ZNF407: variants seen among roughly 807,000 people sequenced by gnomAD.
ZNF407 encodes zinc finger protein 407.
A neutral mutation model predicts 131.2 loss-of-function variants in ZNF407; 17 were observed. The observed-to-expected ratio is 0.13, with a 90% CI of 0.09 to 0.19. The LOEUF is 0.19. Among genes scored for constraint, ZNF407 ranks in the 10% least tolerant of loss-of-function variants. The pLI is 1.00. For synonymous variants in ZNF407, 1,156 were observed against 1,062.0 expected, an observed-to-expected ratio of 1.09 and a Z score of -1.72; for missense variants, 2,681 against 2,830.6, an observed-to-expected ratio of 0.95 and a Z score of 1.20.
intron 4 of ZNF407, among the ~76,000 whole-genome samples, chr18:74,834,599 T>C (rs1173203706): frequency 1.3e-5 from 2 of 152,196 alleles, no homozygotes; most frequent in African/African-American, 2.4e-5. Flanking sequence ...TGATTCATAT[T>C]TCCATAGAAC....
At chr18:74,674,269 C>T (rs940267330) in intron 3 of ZNF407, among the ~76,000 whole-genome samples, 3 of 152,156 alleles carry the variant, frequency 2.0e-5, no homozygotes, top group African/African-American at 7.2e-5. Context: ...GCTGTGGTGG[C>T]TCGTGAGAAC....
chr18:74,800,882 A>G (rs1970008311), intron 4 of ZNF407, among the ~76,000 whole-genome samples: 1 of 152,054 alleles, frequency 6.6e-6, no homozygotes, highest in Non-Finnish European at 1.5e-5. Flanking sequence ...TTGTCAGGTT[A>G]TTGTTTCAGG....
chr18:74,714,501 T>G (rs1010819036), intron 3 of ZNF407, among the ~76,000 whole-genome samples: 4 of 152,236 alleles, frequency 2.6e-5, no homozygotes, highest in Non-Finnish European at 4.4e-5. Context: ...TATAATTTAT[T>G]TTTCCTTTTT....
At chr18:74,606,749 A>G (rs1170385437) in intron 1 of ZNF407, among the ~76,000 whole-genome samples, 1 of 152,246 alleles carries the variant, frequency 6.6e-6, no homozygotes, top group African/African-American at 2.4e-5. Context: ...ATAGAATTAA[A>G]TAGGAGAAAT....
intron 8 of ZNF407, among the ~76,000 whole-genome samples, chr18:74,923,607 T>C (rs558497640): frequency 6.6e-6 from 1 of 152,208 alleles, no homozygotes; most frequent in Non-Finnish European, 1.5e-5. Flanking sequence ...AAGAGGAGTA[T>C]GTTAAAGTTT....
intron 4 of ZNF407, among the ~76,000 whole-genome samples, chr18:74,821,637 A>G (rs1461284985): frequency 3.9e-5 from 6 of 152,148 alleles, no homozygotes; most frequent in Non-Finnish European, 8.8e-5. Context: ...TCCATGGTGT[A>G]TATGTGCCAC....
rs1354724894 is a variant in ZNF407 at position 74,862,748 on chromosome 18, C to T, written c.4878-14449C>T. Among the ~76,000 whole-genome samples, 4 of 152,112 alleles carry T rather than the reference C, an allele frequency of 2.6e-5. No homozygotes were observed. The South Asian group carries it at 6.2e-4, about 24-fold the overall frequency. On this transcript the variant is annotated intron_variant, in intron 4 of 8. Transcript: ENST00000299687. ...TAATTCTGAAGTTTTTCTTCTTCAG[C>T]TTTGCTTCCCTTTTTGCCAACTCTT...
intron 3 of ZNF407, among the ~76,000 whole-genome samples, chr18:74,693,607 T>G (rs1967281525): frequency 6.6e-6 from 1 of 152,208 alleles, no homozygotes; most frequent in African/African-American, 2.4e-5. Flanking sequence ...AGAAGTCGTT[T>G]TGTTCCTCTG....
At chr18:74,968,629 T>G (rs1308191725) in intron 8 of ZNF407, among the ~76,000 whole-genome samples, 1 of 152,224 alleles carries the variant, frequency 6.6e-6, no homozygotes. Context: ...TCTTCATATT[T>G]TCAGATGAGA....
At chr18:74,687,965 T>A (rs911763191) in intron 3 of ZNF407, among the ~76,000 whole-genome samples, 10 of 152,138 alleles carry the variant, frequency 6.6e-5, no homozygotes, top group Non-Finnish European at 1.5e-4. Context: ...TTATTCTGAA[T>A]TAAAAAGATT....
intron 4 of ZNF407, among the ~76,000 whole-genome samples, chr18:74,866,685 T>A (rs1971015247): frequency 6.6e-6 from 1 of 151,206 alleles, no homozygotes; most frequent in Non-Finnish European, 1.5e-5. Context: ...AGAAATAATA[T>A]ATATATATAA....
At chr18:74,834,780 G>C (rs1343902806) in intron 4 of ZNF407, among the ~76,000 whole-genome samples, 1 of 152,184 alleles carries the variant, frequency 6.6e-6, no homozygotes, top group African/African-American at 2.4e-5. Flanking sequence ...ACGAGGAATA[G>C]TGAAAGTGGG....
rs148897853 is a variant in ZNF407 at position 74,915,694 on chromosome 18, A to AGT, written c.5250-4794_5250-4793dup. On this transcript the variant is annotated intron_variant, in intron 7 of 8. Transcript: ENST00000299687. ...GTATGCAGCATTGGTTCGAATCGGGAGTGTGTGTGTGTGTGTGTGTGTGTG... is the reference window on the plus strand; with the variant it reads ...GTATGCAGCATTGGTTCGAATCGGGAGTGTGTGTGTGTGTGTGTGTGTGTGTG... Among the ~76,000 whole-genome samples the AGT allele has an allele frequency of 7.0e-3, 41 of 5,834 alleles. 9 individuals are homozygous for AGT. Among genetic ancestry groups the AGT allele is most frequent in the African/African-American group, 0.016 (28 of 1,710 alleles). The allele number at this position is 5,834 out of a possible 152,430, so 3.8% of individuals were successfully genotyped here. A position where few individuals can be genotyped will look rare whatever the true frequency, so the allele number is the denominator to read the frequency against.
intron 8 of ZNF407, among the ~76,000 whole-genome samples, chr18:74,929,874 C>T (rs751859695): frequency 1.1e-4 from 16 of 152,110 alleles, no homozygotes; most frequent in Middle Eastern, 3.2e-3. Flanking sequence ...ATTACTATTT[C>T]GCAAGTTTTT....
chr18:74,642,601 A>T (rs1984774305), intron 3 of ZNF407, among the ~76,000 whole-genome samples: 1 of 152,178 alleles, frequency 6.6e-6, no homozygotes, highest in African/African-American at 2.4e-5. Context: ...ACAGTTTCTA[A>T]TGTGTCTGGT....
At chr18:74,891,280 C>T (rs764600409) in intron 7 of ZNF407, among the ~76,000 whole-genome samples, 13 of 152,076 alleles carry the variant, frequency 8.5e-5, no homozygotes, top group African/African-American at 2.7e-4. Flanking sequence ...GGGTGAGAGC[C>T]TTCCTTATCC....
chr18:74,926,722 A>G (rs1026000504), intron 8 of ZNF407, among the ~76,000 whole-genome samples: 9 of 152,178 alleles, frequency 5.9e-5, no homozygotes, highest in African/African-American at 2.2e-4. Flanking sequence ...AGAATTGGTT[A>G]AACTGGGAGG....
At chr18:74,914,616 T>A (rs1488452680) in intron 7 of ZNF407, among the ~76,000 whole-genome samples, 1 of 152,180 alleles carries the variant, frequency 6.6e-6, no homozygotes, top group African/African-American at 2.4e-5. Context: ...ACTAACCTCA[T>A]TTTTTAGTTA....
chr18:74,805,627 G>A (rs1454035724), intron 4 of ZNF407, among the ~76,000 whole-genome samples: 1 of 152,156 alleles, frequency 6.6e-6, no homozygotes, highest in Non-Finnish European at 1.5e-5. Context: ...TGATACTTTG[G>A]AGTAGAGACC....
Sources: gnomAD v4.1 joint callset for allele counts (sites outside exome capture counted in the v4.1 genomes callset) on GRCh38, gnomAD v4.1.1 for gene constraint, MANE v1.5 for transcripts, NCBI Gene and HGNC (gene_info 2026-07-23, HGNC 2026-07-21) for gene names.